The following DIAPH3 variants were observed in gnomAD, a reference collection of about 807,000 sequenced individuals.
The protein encoded by DIAPH3 is protein diaphanous homolog 3.
Under a neutral mutation model 144.3 loss-of-function variants are expected in DIAPH3, and 117 were observed. The observed-to-expected ratio is 0.81, with a 90% CI of 0.70 to 0.95. The LOEUF (loss-of-function observed/expected upper bound fraction) is 0.95, where lower values mean the gene tolerates loss of function less well. Among genes scored for constraint, DIAPH3 ranks in the 40% least tolerant of loss-of-function variants. DIAPH3 has a pLI of 0.00. For synonymous variants in DIAPH3, 519 were observed against 488.9 expected (o/e 1.06, Z -0.81); for missense variants, 1,421 against 1,412.7 (o/e 1.01, Z -0.09).
At chr13:59,989,948 G>T (rs1174030561) in intron 12 of DIAPH3, among the ~76,000 whole-genome samples, 1 of 151,830 alleles carries the variant, frequency 6.6e-6, no homozygotes, top group Non-Finnish European at 1.5e-5. Flanking sequence ...AAAATGTATG[G>T]AGTTTACTTT....
intron 4 of DIAPH3, among the ~76,000 whole-genome samples, chr13:60,084,507 C>G (rs2137833964): frequency 1.3e-5 from 2 of 151,904 alleles, no homozygotes; most frequent in Middle Eastern, 3.4e-3. Context: ...CTAAATATAT[C>G]TACTAAATAC....
rs373118737 is a variant in DIAPH3 at position 59,855,358 on chromosome 13, A to G, written c.2737+6049T>C. ...ATACCTTTTTGTGAAAAAAGTATTA[A>G]TTTATTGAACATAAAATTGTACATA... On this transcript the variant is annotated intron_variant, in intron 22 of 27. Coordinates refer to ENST00000400324, the MANE Select transcript of DIAPH3 (RefSeq NM_001042517.2). 1.2e-4 allele frequency among the ~76,000 whole-genome samples: 19 copies of G among 152,260 alleles called. No homozygotes were observed. The East Asian group carries it at 2.7e-3, about 22-fold the overall frequency.
At chr13:59,811,041 A>T (rs949629685) in intron 24 of DIAPH3, 118 bp from the exon 25 acceptor site, 30 of 936,450 alleles carry the variant, frequency 3.2e-5, no homozygotes, top group Admixed American at 7.9e-5. Context: ...GATAATGGTG[A>T]GTTATGTTAG....
chr13:60,050,827 C>G (rs1400871971), intron 4 of DIAPH3, among the ~76,000 whole-genome samples: 1 of 63,152 alleles, frequency 1.6e-5, no homozygotes, highest in Non-Finnish European at 3.5e-5. Flanking sequence ...CAACGTGAAA[C>G]AAGGAGGTCA....
chr13:59,932,020 A>C (rs17667743), intron 17 of DIAPH3, among the ~76,000 whole-genome samples: 84,686 of 151,888 alleles, frequency 0.56, 24,173 homozygotes, highest in African/African-American at 0.61. Context: ...AGAATTTAAA[A>C]CTTGTTTCTG....
chr13:59,794,229 G>T (rs2039469284), intron 25 of DIAPH3, among the ~76,000 whole-genome samples: 3 of 152,020 alleles, frequency 2.0e-5, no homozygotes, highest in Non-Finnish European at 4.4e-5. Flanking sequence ...ATTATGATGG[G>T]TTTATCTGGA....
At chr13:59,897,858 G>A (rs112453165) in intron 20 of DIAPH3, among the ~76,000 whole-genome samples, 11,485 of 150,980 alleles carry the variant, frequency 0.076, 562 homozygotes, top group Non-Finnish European at 0.12. Context: ...AAGGCTGGGC[G>A]TGGTGGCTCA....
chr13:60,088,990 A>C (rs1475254775), intron 4 of DIAPH3, among the ~76,000 whole-genome samples: 1 of 152,170 alleles, frequency 6.6e-6, no homozygotes, highest in Admixed American at 6.5e-5. Context: ...TTCAGAATAG[A>C]TTTAGATCAA....
At chr13:60,066,608 G>A (rs987590449) in intron 4 of DIAPH3, among the ~76,000 whole-genome samples, 2 of 152,168 alleles carry the variant, frequency 1.3e-5, no homozygotes, top group South Asian at 4.1e-4. Context: ...TTGTGTTTGA[G>A]ATATACTGTA....
Position 59,714,253 on chromosome 13 carries a change from G to A in DIAPH3, c.3320-47407C>T, listed in dbSNP as rs1007678736. Among the ~76,000 whole-genome samples the A allele has an allele frequency of 2.1e-4, 31 of 149,828 alleles. 1 individual carries two copies. Among genetic ancestry groups the A allele is most frequent in the African/African-American group, 1.7e-4 (7 of 40,940 alleles). On this transcript the variant is annotated intron_variant, in intron 27 of 27. Transcript: ENST00000400324. ...CGGGCGCCTGTAGTCCCAGCTACTT[G>A]GGAGGCTGAGGCAGGAGAATGGCGT...
intron 2 of DIAPH3, among the ~76,000 whole-genome samples, chr13:60,127,941 C>T (rs9563787): frequency 0.083 from 12,666 of 151,910 alleles, 719 homozygotes; most frequent in East Asian, 0.28. Context: ...GGTACATGTG[C>T]AGGTTTGTTA....
chr13:60,106,138 A>G (rs1484212218), intron 3 of DIAPH3, among the ~76,000 whole-genome samples: 1 of 152,144 alleles, frequency 6.6e-6, no homozygotes. Context: ...GGTTCACCTG[A>G]GCCCTTCTTT....
chr13:59,848,013 G>C (rs181145231), intron 22 of DIAPH3, among the ~76,000 whole-genome samples: 1 of 151,950 alleles, frequency 6.6e-6, no homozygotes, highest in Admixed American at 6.6e-5. Flanking sequence ...CTTTCATGCC[G>C]CACACATCTA....
intron 27 of DIAPH3, 67 bp downstream of exon 27, chr13:59,774,122 A>G (rs1023039388): frequency 1.3e-6 from 2 of 1,487,744 alleles, no homozygotes; most frequent in Non-Finnish European, 1.9e-6. Flanking sequence ...GCAGTCTACT[A>G]AAATCACAGA....
intron 27 of DIAPH3, among the ~76,000 whole-genome samples, chr13:59,677,260 A>G (rs1271058209): frequency 6.6e-6 from 1 of 152,132 alleles, no homozygotes; most frequent in African/African-American, 2.4e-5. Flanking sequence ...ACAGCTGATG[A>G]CATAACATTT....
chr13:59,815,052 T>C (rs2040694677), intron 24 of DIAPH3, among the ~76,000 whole-genome samples: 1 of 152,230 alleles, frequency 6.6e-6, no homozygotes, highest in African/African-American at 2.4e-5. Flanking sequence ...AGTATTCCAT[T>C]GTGTATATGA....
chr13:60,131,038 T>C (rs1312681748), intron 2 of DIAPH3, among the ~76,000 whole-genome samples: 1 of 152,016 alleles, frequency 6.6e-6, no homozygotes, highest in Non-Finnish European at 1.5e-5. Flanking sequence ...TGTCATATAA[T>C]GAAAATAAGG....
intron 5 of DIAPH3, among the ~76,000 whole-genome samples, chr13:60,017,231 C>T (rs2053713302): frequency 1.3e-5 from 2 of 151,978 alleles, no homozygotes; most frequent in South Asian, 2.1e-4. Context: ...TGGTGAAACC[C>T]CATCTCTACT....
intron 27 of DIAPH3, among the ~76,000 whole-genome samples, chr13:59,726,667 T>A (rs1052777644): frequency 6.6e-6 from 1 of 152,176 alleles, no homozygotes; most frequent in East Asian, 1.9e-4. Flanking sequence ...CTCAGATGGC[T>A]GATGTAGTGA....
Sources: gnomAD v4.1 joint callset for allele counts (sites outside exome capture counted in the v4.1 genomes callset) on GRCh38, gnomAD v4.1.1 for gene constraint, MANE v1.5 for transcripts, NCBI Gene and HGNC (gene_info 2026-07-23, HGNC 2026-07-21) for gene names.